NTM: variants seen among roughly 807,000 people sequenced by gnomAD.
NTM encodes the protein neurotrimin.
Under a neutral mutation model 42.1 loss-of-function variants are expected in NTM, and 13 were observed. The ratio of observed to expected loss-of-function variants is 0.31; its 90% CI spans 0.20 to 0.49. The LOEUF (loss-of-function observed/expected upper bound fraction) is 0.49. Among genes scored for constraint, NTM ranks in the 20% least tolerant of loss-of-function variants. The probability of loss-of-function intolerance (pLI) is 0.99; values close to 1 mark genes in which losing one functional copy is unlikely to be tolerated. For missense variants in NTM, 373 were observed against 452.8 expected (o/e 0.82, Z 1.60); for synonymous variants, 187 against 179.2 (o/e 1.04, Z -0.35).
At chr11:132,293,884 C>T (rs1442668732) in intron 4 of NTM, among the ~76,000 whole-genome samples, 3 of 152,200 alleles carry the variant, frequency 2.0e-5, no homozygotes, top group South Asian at 2.1e-4. Context: ...CTCTAGAGGC[C>T]GCTCAGCCTG....
At chr11:131,902,277 A>T (rs1190378225) in intron 1 of NTM, among the ~76,000 whole-genome samples, 1 of 152,266 alleles carries the variant, frequency 6.6e-6, no homozygotes, top group Non-Finnish European at 1.5e-5. Context: ...CTTCTAGGGC[A>T]GTACAAATTC....
At chr11:131,789,848 C>A (rs549601467) in intron 1 of NTM, among the ~76,000 whole-genome samples, 5 of 145,652 alleles carry the variant, frequency 3.4e-5, no homozygotes, top group Non-Finnish European at 4.5e-5. Context: ...CCCAGCTACA[C>A]GGGAGGCTGA....
chr11:131,688,642 C>G lies in NTM; in HGVS notation c.83-222922C>G, dbSNP rs571944448. On this transcript the variant is annotated intron_variant, in intron 1 of 8. Transcript: ENST00000683400. ...CCTGTCGGCTTCACACCCCCAGTGA[C>G]TGTCCAGCATCTACCAGGCAGCAGG... Among the ~76,000 whole-genome samples, 7 of 152,344 alleles carry G rather than the reference C, an allele frequency of 4.6e-5. No individual in the cohort carries two copies. In the East Asian group the frequency reaches 1.4e-3, roughly 29 times the overall value.
chr11:131,960,738 T>G (rs1042912688), intron 2 of NTM, among the ~76,000 whole-genome samples: 2 of 152,182 alleles, frequency 1.3e-5, no homozygotes, highest in Admixed American at 6.5e-5. Context: ...CCTGTTCCCT[T>G]CCAGGGTCTA....
chr11:131,386,702 A>G (rs1943360507), intron 1 of NTM, among the ~76,000 whole-genome samples: 3 of 152,188 alleles, frequency 2.0e-5, no homozygotes, highest in African/African-American at 7.2e-5. Flanking sequence ...TTTCCAAGAG[A>G]GCAAAAAGGA....
intron 1 of NTM, among the ~76,000 whole-genome samples, chr11:131,497,380 G>C (rs571888900): frequency 1.3e-5 from 1 of 78,900 alleles, no homozygotes; most frequent in Non-Finnish European, 2.7e-5. Context: ...GTAGAGACGG[G>C]GTTTCACCAT....
chr11:131,621,734 A>C (rs2137659828), intron 1 of NTM, among the ~76,000 whole-genome samples: 1 of 147,574 alleles, frequency 6.8e-6, no homozygotes, highest in South Asian at 2.3e-4. Context: ...AGGTGGAATG[A>C]TGGCTTGAGT....
chr11:132,315,449 C>T (rs1243087979), intron 7 of NTM, among the ~76,000 whole-genome samples: 1 of 152,184 alleles, frequency 6.6e-6, no homozygotes, highest in Non-Finnish European at 1.5e-5. Context: ...TCCCTAAAGG[C>T]CACAGGATTA....
chr11:132,064,942 G>A lies in NTM; in HGVS notation c.168-81340G>A, dbSNP rs142118466. On this transcript the variant is annotated intron_variant, in intron 2 of 8. Coordinates refer to ENST00000683400, the MANE Select transcript of NTM (RefSeq NM_001352005.2). ...CCTCATTTCTGTTTAAAAATCCAGCGCAATATTATGGATTTATTGTCACAC... is the reference window on the plus strand; with the variant it reads ...CCTCATTTCTGTTTAAAAATCCAGCACAATATTATGGATTTATTGTCACAC... 1.6e-4 allele frequency among the ~76,000 whole-genome samples: 24 copies of A among 152,198 alleles called. No homozygotes were observed. In the South Asian group the frequency reaches 2.7e-3, roughly 17 times the overall value.
intron 3 of NTM, among the ~76,000 whole-genome samples, chr11:132,187,353 T>C (rs2078597902): frequency 6.6e-6 from 1 of 152,136 alleles, no homozygotes; most frequent in South Asian, 2.1e-4. Context: ...TTCATATTTT[T>C]CTTAGCTGTT....
rs377327622 is a variant in NTM, at chr11:131,914,148, T to G, written c.167+2500T>G. 5.3e-5 allele frequency among the ~76,000 whole-genome samples: 8 copies of G among 152,344 alleles called. No individual in the cohort carries two copies. The South Asian group carries it at 8.3e-4, about 16-fold the overall frequency. On this transcript the variant is annotated intron_variant, in intron 2 of 8. Transcript: ENST00000683400. ...GGCAAGTAGGAATTTCAGAACGTATTTTGTTTGCATAAAAATTGCTGCATT... is the reference window on the plus strand; with the variant it reads ...GGCAAGTAGGAATTTCAGAACGTATGTTGTTTGCATAAAAATTGCTGCATT...
intron 2 of NTM, among the ~76,000 whole-genome samples, chr11:132,083,826 A>G (rs2059377083): frequency 6.6e-6 from 1 of 152,216 alleles, no homozygotes; most frequent in Non-Finnish European, 1.5e-5. Flanking sequence ...AAGAATACTC[A>G]CAGATAGTTT....
intron 1 of NTM, among the ~76,000 whole-genome samples, chr11:131,650,938 T>A (rs73592236): frequency 0.046 from 6,984 of 152,274 alleles, 288 homozygotes; most frequent in African/African-American, 0.12. Context: ...TAATCTTCAA[T>A]AAGTTACATA....
chr11:132,165,264 G>A (rs1566352062), intron 3 of NTM, among the ~76,000 whole-genome samples: 2 of 152,150 alleles, frequency 1.3e-5, no homozygotes, highest in African/African-American at 2.4e-5. Context: ...CAGTCTTGGA[G>A]TGGTAAAACC....
At chr11:131,862,722 A>G (rs1328225748) in intron 1 of NTM, among the ~76,000 whole-genome samples, 1 of 152,184 alleles carries the variant, frequency 6.6e-6, no homozygotes, top group Non-Finnish European at 1.5e-5. Flanking sequence ...TGAAACTGCA[A>G]ACTGGTATTT....
intron 1 of NTM, among the ~76,000 whole-genome samples, chr11:131,444,817 T>G (rs897860454): frequency 1.3e-5 from 2 of 152,166 alleles, no homozygotes; most frequent in Non-Finnish European, 2.9e-5. Flanking sequence ...TGGCTAAGAC[T>G]GGAGAGAAGA....
intron 4 of NTM, among the ~76,000 whole-genome samples, chr11:132,259,440 G>A (rs1266370462): frequency 5.3e-5 from 8 of 151,928 alleles, no homozygotes; most frequent in Non-Finnish European, 1.5e-5. Context: ...CCAGCACTTC[G>A]GGAGGCCAAG....
At chr11:131,502,156 G>C (rs1044141653) in intron 1 of NTM, among the ~76,000 whole-genome samples, 1 of 152,070 alleles carries the variant, frequency 6.6e-6, no homozygotes. Flanking sequence ...ACATTCCCAT[G>C]TTGAAATCCT....
At chr11:132,319,305 C>T (rs1164726346) in intron 7 of NTM, among the ~76,000 whole-genome samples, 2 of 152,124 alleles carry the variant, frequency 1.3e-5, no homozygotes, top group South Asian at 2.1e-4. Context: ...GTGTGCGAGC[C>T]GAAGCATGGC....
Sources: allele counts gnomAD v4.1 joint callset (sites outside exome capture counted in the v4.1 genomes callset), GRCh38; gene constraint gnomAD v4.1.1; transcripts MANE v1.5; gene names NCBI Gene and HGNC (gene_info 2026-07-23, HGNC 2026-07-21).